The following PRKN variants were observed in gnomAD, a reference collection of about 807,000 sequenced individuals.
PRKN encodes parkin RBR E3 ubiquitin protein ligase, also known as E3 ubiquitin-protein ligase parkin.
In PRKN, 56 loss-of-function variants were observed where a neutral mutation model predicts 59.5. The observed-to-expected ratio is 0.94, with a 90% CI of 0.76 to 1.18. PRKN has a LOEUF of 1.18. Among genes scored for constraint, PRKN ranks in the 50% most tolerant of loss-of-function variants. The pLI, the probability that PRKN is intolerant of heterozygous loss-of-function variation, is 0.00. For missense variants in PRKN, 657 were observed against 596.4 expected (o/e 1.10, Z -1.06); for synonymous variants, 250 against 222.1 (o/e 1.13, Z -1.12).
chr6:162,633,164 G>C (rs1467585660), intron 1 of PRKN, among the ~76,000 whole-genome samples: 2 of 151,726 alleles, frequency 1.3e-5, no homozygotes, highest in Non-Finnish European at 2.9e-5. Flanking sequence ...GCCGGGTGCG[G>C]TGGCTCATGC....
intron 2 of PRKN, among the ~76,000 whole-genome samples, chr6:162,315,138 T>C (rs1240595189): frequency 2.6e-5 from 4 of 152,174 alleles, no homozygotes; most frequent in Admixed American, 1.3e-4. Flanking sequence ...TCTCCTTCCT[T>C]AAAAACAAAC....
At chr6:162,340,086 A>G (rs1784101016) in intron 2 of PRKN, among the ~76,000 whole-genome samples, 1 of 147,734 alleles carries the variant, frequency 6.8e-6, no homozygotes, top group Non-Finnish European at 1.5e-5. Flanking sequence ...CTATTGTCCC[A>G]TGACCCTGCC....
intron 5 of PRKN, among the ~76,000 whole-genome samples, chr6:162,039,529 T>G (rs1783981839): frequency 6.6e-6 from 1 of 152,144 alleles, no homozygotes; most frequent in Admixed American, 6.5e-5. Context: ...TGTTTCCCCT[T>G]TCCCCATGGG....
intron 9 of PRKN, among the ~76,000 whole-genome samples, chr6:161,431,236 G>C (rs191094391): frequency 5.4e-4 from 82 of 151,852 alleles, no homozygotes; most frequent in African/African-American, 1.8e-3. Flanking sequence ...CTTATTTGTA[G>C]AGTATATCAT....
intron 6 of PRKN, among the ~76,000 whole-genome samples, chr6:161,867,598 G>A (rs62438262): frequency 6.6e-6 from 1 of 152,054 alleles, no homozygotes; most frequent in Non-Finnish European, 1.5e-5. Context: ...GATGATGTCT[G>A]TTTAGATTAA....
chr6:162,335,116 C>A (rs1394475411), intron 2 of PRKN, among the ~76,000 whole-genome samples: 1 of 152,004 alleles, frequency 6.6e-6, no homozygotes, highest in Non-Finnish European at 1.5e-5. Flanking sequence ...TGGGTTCAAG[C>A]GATTTTCCTG....
At chr6:162,495,372 T>C (rs1162054582) in intron 1 of PRKN, among the ~76,000 whole-genome samples, 1 of 152,228 alleles carries the variant, frequency 6.6e-6, no homozygotes, top group East Asian at 1.9e-4. Flanking sequence ...CTTTTTGGTC[T>C]TTTTATTTCA....
Position 161,588,215 on chromosome 6 carries a change from C to T in PRKN, c.872-18799G>A, listed in dbSNP as rs2128139957. Among the ~76,000 whole-genome samples the T allele has an allele frequency of 6.6e-6, 1 of 152,140 alleles. No homozygotes were observed. Among genetic ancestry groups the T allele is most frequent in the East Asian group, 1.9e-4 (1 of 5,144 alleles). The stretch of plus-strand genomic sequence containing the variant: ...CCTGGCTAACATGGCAAAACCCCGT[C>T]TCTACTAAAAATGCAAAAATCAGCC... On this transcript the variant is annotated intron_variant, in intron 7 of 11. Coordinates refer to ENST00000366898, the MANE Select transcript of PRKN (RefSeq NM_004562.3). This position sits in a 1 kb window ranked among gnomAD's most constrained non-coding sequence, Gnocchi z 5.0.
At position 161,413,572 on chromosome 6, in the gene PRKN, G is replaced by C. The variant is rs913758874; in HGVS notation, c.1084-26695C>G. Among the ~76,000 whole-genome samples the C allele has an allele frequency of 6.6e-6, 1 of 152,136 alleles. No individual in the cohort carries two copies. Among genetic ancestry groups the C allele is most frequent in the African/African-American group, 2.4e-5 (1 of 41,408 alleles). ...ACGCTGGCCATGGTGGGATGGCAGC[G>C]TGGGCCAGGAAAGCCTGGGAACTGG... On this transcript the variant is annotated intron_variant, in intron 9 of 11. Transcript: ENST00000366898. The surrounding 1 kb of genome is among the most constrained non-coding windows in gnomAD (Gnocchi z 4.4).
At position 162,359,592 on chromosome 6, in the gene PRKN, A is replaced by G. The variant is rs200571002; in HGVS notation, c.171+83718T>C. ...ATAACTAAATATACCTTTTAAAATTAAAAAAAAAAAAACATAAACATGGTT... is the reference window on the plus strand; with the variant it reads ...ATAACTAAATATACCTTTTAAAATTGAAAAAAAAAAAACATAAACATGGTT... On this transcript the variant is annotated intron_variant, in intron 2 of 11. Transcript: ENST00000366898. Among the ~76,000 whole-genome samples, 5 of 19,174 alleles carry G rather than the reference A, an allele frequency of 2.6e-4. No individual in the cohort carries two copies. In the African/African-American group the frequency reaches 6.7e-3, roughly 26 times the overall value. 12.6% of individuals were successfully genotyped at this position (19,174 alleles called of 152,430 possible).
Position 161,369,250 on chromosome 6 carries a change from C to T in PRKN, c.1168-9045G>A, listed in dbSNP as rs775569370. On this transcript the variant is annotated intron_variant, in intron 10 of 11. Transcript: ENST00000366898. This position sits in a 1 kb window ranked among gnomAD's most constrained non-coding sequence, Gnocchi z 5.8. ...GCCCACAGGTTCAAGATCACCAAAG[C>T]GATTCTAAAAATGATCCCAAGGCTT... Among the ~76,000 whole-genome samples the T allele has an allele frequency of 6.6e-6, 1 of 152,162 alleles. No homozygotes were observed. Among genetic ancestry groups the T allele is most frequent in the Non-Finnish European group, 1.5e-5 (1 of 68,020 alleles).
intron 1 of PRKN, among the ~76,000 whole-genome samples, chr6:162,580,178 T>C (rs1223660385): frequency 6.6e-6 from 1 of 152,130 alleles, no homozygotes; most frequent in Non-Finnish European, 1.5e-5. Flanking sequence ...GGCTCATGCC[T>C]GCAATCCCAG....
chr6:161,482,678 C>G (rs1352080277), intron 9 of PRKN, among the ~76,000 whole-genome samples: 1 of 152,216 alleles, frequency 6.6e-6, no homozygotes. Flanking sequence ...GCCTGACTTT[C>G]AGAGCATTCA....
intron 4 of PRKN, among the ~76,000 whole-genome samples, chr6:162,200,690 T>A (rs1330662704): frequency 6.6e-6 from 1 of 152,210 alleles, no homozygotes; most frequent in Non-Finnish European, 1.5e-5. Flanking sequence ...AATTAAGGTA[T>A]AACGTACATT....
rs1267690078 is a variant in PRKN, at chr6:161,502,783, T to C, written c.1083+46071A>G. ...GGTGGCTCTGATCCATGCTCTACGG[T>C]GAATGTGTGGGAAGGACAGGTGTGG... On this transcript the variant is annotated intron_variant, in intron 9 of 11. Coordinates refer to ENST00000366898, the MANE Select transcript of PRKN (RefSeq NM_004562.3). This position sits in a 1 kb window ranked among gnomAD's most constrained non-coding sequence, Gnocchi z 4.0. 1.3e-5 allele frequency among the ~76,000 whole-genome samples: 2 copies of C among 151,990 alleles called. No individual in the cohort carries two copies. Among genetic ancestry groups the C allele is most frequent in the African/African-American group, 4.8e-5 (2 of 41,384 alleles).
rs1780634975 is a variant in PRKN at position 161,566,156 on chromosome 6, T to C, written c.933+3199A>G. Among the ~76,000 whole-genome samples the C allele has an allele frequency of 6.6e-6, 1 of 152,168 alleles. No homozygotes were observed. The highest frequency in any genetic ancestry group is 1.5e-5 in the Non-Finnish European group (1 of 68,040). On this transcript the variant is annotated intron_variant, in intron 8 of 11. Coordinates refer to ENST00000366898, the MANE Select transcript of PRKN (RefSeq NM_004562.3). This position sits in a 1 kb window ranked among gnomAD's most constrained non-coding sequence, Gnocchi z 4.1. ...CAGCTAAGTTCCCAGTTGCCAAAAT[T>C]AAAATGTATGTATTTGCAGTCTCCC...
chr6:162,583,248 A>G (rs1237036594), intron 1 of PRKN, among the ~76,000 whole-genome samples: 3 of 152,184 alleles, frequency 2.0e-5, no homozygotes, highest in African/African-American at 7.2e-5. Flanking sequence ...TGTTCTTTGC[A>G]CATTACCTAG....
At chr6:161,936,332 C>A (rs1779355724) in intron 6 of PRKN, among the ~76,000 whole-genome samples, 1 of 151,786 alleles carries the variant, frequency 6.6e-6, no homozygotes, top group African/African-American at 2.4e-5. Context: ...CCTCAGTCTC[C>A]CAAGCAGCTG....
chr6:161,567,012 C>T (rs1443937340), intron 8 of PRKN, among the ~76,000 whole-genome samples: 5 of 144,356 alleles, frequency 3.5e-5, no homozygotes, highest in African/African-American at 1.3e-4. Flanking sequence ...CTCCAGTATT[C>T]ACTGTCCTTG....
Sources: gnomAD v4.1 joint callset for allele counts (sites outside exome capture counted in the v4.1 genomes callset) on GRCh38, gnomAD v4.1.1 for gene constraint, Gnocchi (gnomAD v3.1) non-coding constraint, MANE v1.5 for transcripts, NCBI Gene and HGNC (gene_info 2026-07-23, HGNC 2026-07-21) for gene names.